MATN2: variants seen among roughly 807,000 people sequenced by gnomAD.
MATN2 encodes matrilin 2.
In MATN2, 69 loss-of-function variants were observed where a neutral mutation model predicts 103.2. The observed-to-expected ratio is 0.67, with a 90% CI of 0.55 to 0.82. The LOEUF is 0.82. Ranked by LOEUF, MATN2 falls within the 40% of genes least tolerant of loss-of-function variation. MATN2 has a pLI of 0.00. For synonymous variants in MATN2, 429 were observed against 450.2 expected (o/e 0.95, Z 0.60); for missense variants, 1,023 against 1,211.5 (o/e 0.84, Z 2.31).
intron 3 of MATN2, among the ~76,000 whole-genome samples, chr8:97,941,121 C>T (rs1250946448): frequency 3.0e-5 from 4 of 133,308 alleles, no homozygotes; most frequent in African/African-American, 8.7e-5. Context: ...ATGATTGTGC[C>T]ACTGCTCTCC....
In MATN2 at chr8:98,027,619, A is replaced by G; in HGVS notation, c.2146A>G (p.Lys716Glu). The G allele has an allele frequency of 6.2e-7, 1 of 1,613,800 alleles. No homozygotes were observed. Among genetic ancestry groups the G allele is most frequent in the Non-Finnish European group, 8.5e-7 (1 of 1,179,770 alleles). Residue 716 changes from lysine to glutamate, a missense_variant, in exon 14 of 19, where the codon AAA (lysine) becomes GAA (glutamate). Coordinates refer to ENST00000254898, the MANE Select transcript of MATN2 (RefSeq NM_002380.5). ...CACTCTGAGAAACTTCAACTCAGCC[A>G]AAGACATGAAAAAAGCCGTGGCCCA... ...EFTLRNFNSA[K>E]DMKKAVAHMK... is the part of the protein sequence containing the mutation.
chr8:97,988,945 A>G (rs953193886), intron 6 of MATN2, among the ~76,000 whole-genome samples: 1 of 152,252 alleles, frequency 6.6e-6, no homozygotes, highest in African/African-American at 2.4e-5. Flanking sequence ...TTATTTAAAC[A>G]GTTTCTAGCA....
intron 2 of MATN2, among the ~76,000 whole-genome samples, chr8:97,910,115 G>A (rs1819318717): frequency 6.8e-6 from 1 of 147,426 alleles, no homozygotes; most frequent in Admixed American, 6.8e-5. Context: ...AGGCTGGAGT[G>A]CAGTGGTGCA....
rs1554613598 is a variant in MATN2 at position 98,000,604 on chromosome 8, A to AAAAAAAAAAAAAAAAAAAAAAG, written c.1205-3051_1205-3050insAAAAAAAAAAAAAAAGAAAAAA. ...AGAGCGAGACTCCGTCTCAAAAAAA[A>AAAAAAAAAAAAAAAAAAAAAAG]AAAAAAGAAATATGGTTAACAATCA... On this transcript the variant is annotated intron_variant, in intron 7 of 18. Transcript: ENST00000254898. Among the ~76,000 whole-genome samples, 738 of 127,106 alleles carry AAAAAAAAAAAAAAAAAAAAAAG rather than the reference A, an allele frequency of 5.8e-3. 5 individuals are homozygous for AAAAAAAAAAAAAAAAAAAAAAG. Among genetic ancestry groups the AAAAAAAAAAAAAAAAAAAAAAG allele is most frequent in the Non-Finnish European group, 9.3e-3 (557 of 59,848 alleles). The allele number at this position is 127,106 out of a possible 152,430, so 83.4% of individuals were successfully genotyped here.
intron 1 of MATN2, among the ~76,000 whole-genome samples, chr8:97,874,756 T>C (rs545370250): frequency 1.3e-5 from 2 of 151,084 alleles, no homozygotes; most frequent in Non-Finnish European, 3.0e-5. Context: ...CTTGCTCTGT[T>C]GCCCAGGCTG....
intron 2 of MATN2, among the ~76,000 whole-genome samples, chr8:97,922,961 T>C (rs2959646): frequency 0.28 from 42,633 of 152,110 alleles, 6,422 homozygotes; most frequent in African/African-American, 0.32. Context: ...ACAATAGGTA[T>C]GTTGAATGAC....
At chr8:97,879,541 C>A (rs922772165) in intron 1 of MATN2, among the ~76,000 whole-genome samples, 13 of 152,168 alleles carry the variant, frequency 8.5e-5, no homozygotes, top group Admixed American at 8.5e-4. Context: ...GTAGAACATT[C>A]GCTGCAGCAG....
intron 5 of MATN2, among the ~76,000 whole-genome samples, chr8:97,966,594 A>G (rs1471919519): frequency 1.3e-5 from 2 of 151,798 alleles, no homozygotes; most frequent in East Asian, 3.9e-4. Flanking sequence ...TGGGGTGATA[A>G]TTAGTAGTCA....
chr8:97,928,218 C>CTTTT (rs34226792), intron 2 of MATN2, among the ~76,000 whole-genome samples: 7 of 89,290 alleles, frequency 7.8e-5, no homozygotes, highest in African/African-American at 1.4e-4. Context: ...GCACTCCTGC[C>CTTTT]TTTTTTTTTT....
At chr8:97,889,821 AC>A (rs1355352805) in intron 2 of MATN2, among the ~76,000 whole-genome samples, 1 of 151,914 alleles carries the variant, frequency 6.6e-6, no homozygotes, top group African/African-American at 2.4e-5. Flanking sequence ...AAAAGCCACC[AC>A]ACACTTGCCT....
chr8:97,871,398 G>C (rs916451810), intron 1 of MATN2, among the ~76,000 whole-genome samples: 16 of 152,204 alleles, frequency 1.1e-4, no homozygotes, highest in Non-Finnish European at 1.9e-4. Context: ...CCTGAGCAAG[G>C]TGTTGGGTAT....
At chr8:97,935,397 G>A (rs182737923) in intron 3 of MATN2, among the ~76,000 whole-genome samples, 1 of 152,330 alleles carries the variant, frequency 6.6e-6, no homozygotes, top group African/African-American at 2.4e-5. Context: ...AACCTGTCAA[G>A]TAGATGCTCT....
intron 10 of MATN2, among the ~76,000 whole-genome samples, chr8:98,015,276 T>C (rs961209521): frequency 6.6e-6 from 1 of 152,060 alleles, no homozygotes; most frequent in Admixed American, 6.6e-5. Context: ...TGCTCCCAGG[T>C]GTCCAAGCTC....
intron 7 of MATN2, among the ~76,000 whole-genome samples, chr8:97,995,683 TA>T (rs1812560756): frequency 1.3e-5 from 2 of 152,240 alleles, no homozygotes; most frequent in African/African-American, 4.8e-5. Flanking sequence ...ATGAGCTATT[TA>T]ACTGAATCCA....
intron 1 of MATN2, among the ~76,000 whole-genome samples, chr8:97,884,500 AC>A (rs1818360616): frequency 6.6e-6 from 1 of 152,162 alleles, no homozygotes; most frequent in African/African-American, 2.4e-5. Context: ...AACAGCAACA[AC>A]AGGCCGAGTG....
intron 13 of MATN2, among the ~76,000 whole-genome samples, chr8:98,023,646 G>A (rs1171868631): frequency 6.6e-6 from 1 of 152,114 alleles, no homozygotes; most frequent in Non-Finnish European, 1.5e-5. Context: ...ACTCTAGCCT[G>A]GGTGACACAG....
At chr8:97,899,921 T>C (rs1338783838) in intron 2 of MATN2, among the ~76,000 whole-genome samples, 1 of 152,222 alleles carries the variant, frequency 6.6e-6, no homozygotes, top group African/African-American at 2.4e-5. Context: ...TGGGGAAGCA[T>C]GTTCAAAGAC....
intron 1 of MATN2, among the ~76,000 whole-genome samples, chr8:97,884,401 A>G (rs1241528919): frequency 1.3e-5 from 2 of 152,124 alleles, no homozygotes; most frequent in Non-Finnish European, 2.9e-5. Flanking sequence ...TAGCCTCCAA[A>G]GTGCTGGGAT....
At chr8:97,893,184 T>C (rs555786196) in intron 2 of MATN2, among the ~76,000 whole-genome samples, 33 of 152,216 alleles carry the variant, frequency 2.2e-4, no homozygotes, top group Admixed American at 1.5e-3. Context: ...GGGATCTAAA[T>C]AGCAGGCTGC....
Sources: allele counts gnomAD v4.1 joint callset (sites outside exome capture counted in the v4.1 genomes callset), GRCh38; gene constraint gnomAD v4.1.1; transcripts MANE v1.5; gene names NCBI Gene and HGNC (gene_info 2026-07-23, HGNC 2026-07-21).